LHFPL3: variants seen among roughly 807,000 people sequenced by gnomAD.
The protein encoded by LHFPL3 is LHFPL tetraspan subfamily member 3 protein.
In LHFPL3, 5 loss-of-function variants were observed where a neutral mutation model predicts 19.3. The observed-to-expected ratio is 0.26, with a 90% CI of 0.14 to 0.54. The LOEUF is 0.54. Ranked by LOEUF, LHFPL3 falls within the 20% of genes least tolerant of loss-of-function variation. LHFPL3 has a pLI of 0.94. For synonymous variants in LHFPL3, 133 were observed against 126.2 expected, an observed-to-expected ratio of 1.05 and a Z score of -0.36; for missense variants, 249 against 307.4, an observed-to-expected ratio of 0.81 and a Z score of 1.42.
At chr7:104,632,933 C>T (rs1378818609) in intron 1 of LHFPL3, among the ~76,000 whole-genome samples, 1 of 152,148 alleles carries the variant, frequency 6.6e-6, no homozygotes. Flanking sequence ...AGATTACAGG[C>T]ATGAGTCATG....
At chr7:104,600,929 T>A (rs752256581) in intron 1 of LHFPL3, among the ~76,000 whole-genome samples, 12 of 152,194 alleles carry the variant, frequency 7.9e-5, no homozygotes, top group Non-Finnish European at 1.5e-4. Flanking sequence ...ATGTAATGTC[T>A]CATCTAAGCT....
chr7:104,530,533 C>T (rs1203787636), intron 1 of LHFPL3, among the ~76,000 whole-genome samples: 1 of 152,178 alleles, frequency 6.6e-6, no homozygotes, highest in Non-Finnish European at 1.5e-5. Context: ...GTTGTAAACA[C>T]ATTTAGAATT....
chr7:104,460,304 T>C (rs1792633802), intron 1 of LHFPL3, among the ~76,000 whole-genome samples: 1 of 152,224 alleles, frequency 6.6e-6, no homozygotes, highest in Admixed American at 6.5e-5. Context: ...AGTACTACAG[T>C]GAACATTCAC....
intron 2 of LHFPL3, among the ~76,000 whole-genome samples, chr7:104,870,787 T>A (rs1791820037): frequency 6.6e-6 from 1 of 152,120 alleles, no homozygotes; most frequent in Non-Finnish European, 1.5e-5. Flanking sequence ...TGCTGGAATG[T>A]AGGACATGGG....
chr7:104,390,885 A>G (rs1463819548), intron 1 of LHFPL3, among the ~76,000 whole-genome samples: 7 of 152,116 alleles, frequency 4.6e-5, no homozygotes, highest in Admixed American at 6.6e-5. Flanking sequence ...TCTAACTGGT[A>G]TGAGATGGTA....
At chr7:104,433,006 G>A (rs556108497) in intron 1 of LHFPL3, among the ~76,000 whole-genome samples, 25 of 152,080 alleles carry the variant, frequency 1.6e-4, no homozygotes, top group Admixed American at 1.1e-3. Flanking sequence ...TTTTGGTCTC[G>A]GGTAAGCTTT....
chr7:104,520,347 G>T (rs12705227), intron 1 of LHFPL3, among the ~76,000 whole-genome samples: 22,582 of 137,168 alleles, frequency 0.16, 2,194 homozygotes, highest in African/African-American at 0.27. Context: ...GATTCCGTTT[G>T]CCAGTATTTT....
At chr7:104,889,634 T>C (rs1792209390) in intron 2 of LHFPL3, among the ~76,000 whole-genome samples, 1 of 152,150 alleles carries the variant, frequency 6.6e-6, no homozygotes, top group Non-Finnish European at 1.5e-5. Flanking sequence ...AGCAAGACTC[T>C]GTCTCAGAAA....
intron 1 of LHFPL3, among the ~76,000 whole-genome samples, chr7:104,335,413 A>G (rs1789780284): frequency 6.6e-6 from 1 of 152,238 alleles, no homozygotes; most frequent in South Asian, 2.1e-4. Context: ...CTTACAAGAA[A>G]GTGATCTGGA....
chr7:104,729,272 A>T (rs941053776), intron 1 of LHFPL3, among the ~76,000 whole-genome samples: 8 of 152,196 alleles, frequency 5.3e-5, no homozygotes, highest in African/African-American at 1.9e-4. Flanking sequence ...TATGGCAAAC[A>T]TATAATGGGA....
At chr7:104,838,297 G>C (rs1187962057) in intron 2 of LHFPL3, among the ~76,000 whole-genome samples, 1 of 152,156 alleles carries the variant, frequency 6.6e-6, no homozygotes, top group African/African-American at 2.4e-5. Context: ...AAGTTCTCAG[G>C]TGTTTCTGAT....
chr7:104,749,668 G>A (rs1379906838), intron 2 of LHFPL3, among the ~76,000 whole-genome samples: 3 of 152,282 alleles, frequency 2.0e-5, no homozygotes, highest in African/African-American at 7.2e-5. Flanking sequence ...TATGCCATTT[G>A]CCTGATTTCT....
At chr7:104,811,406 T>C (rs1332573689) in intron 2 of LHFPL3, among the ~76,000 whole-genome samples, 1 of 152,040 alleles carries the variant, frequency 6.6e-6, no homozygotes, top group African/African-American at 2.4e-5. Flanking sequence ...TCACCAAGTT[T>C]CCCAGGCTGA....
chr7:104,611,740 G>C (rs1019246269), intron 1 of LHFPL3, among the ~76,000 whole-genome samples: 7 of 152,086 alleles, frequency 4.6e-5, no homozygotes, highest in African/African-American at 1.4e-4. Context: ...CTAAAAAAGG[G>C]GGGGAGGAAT....
intron 1 of LHFPL3, among the ~76,000 whole-genome samples, chr7:104,473,018 A>G (rs1458201730): frequency 6.6e-6 from 1 of 152,208 alleles, no homozygotes; most frequent in Non-Finnish European, 1.5e-5. Flanking sequence ...AAGAAATTCA[A>G]AATTTCAAAT....
intron 2 of LHFPL3, among the ~76,000 whole-genome samples, chr7:104,773,531 T>C (rs1794594653): frequency 6.6e-6 from 1 of 152,210 alleles, no homozygotes; most frequent in Non-Finnish European, 1.5e-5. Flanking sequence ...CCTCGTGCTA[T>C]GGGTTGAATT....
rs1584539877 is a variant in LHFPL3 at position 104,798,695 on chromosome 7, C to T, written c.682+61784C>T. ...AAGAAAGATAGGTGCTAGAAAGTCT[C>T]ACGATTTTTTTTTTGAAAGCCTAGT... On this transcript the variant is annotated intron_variant, in intron 2 of 2. Coordinates refer to ENST00000424859, the MANE Select transcript of LHFPL3 (RefSeq NM_199000.3). Among the ~76,000 whole-genome samples, 3 of 141,156 alleles carry T rather than the reference C, an allele frequency of 2.1e-5. No individual in the cohort carries two copies. In the South Asian group the frequency reaches 7.6e-4, roughly 36 times the overall value. The allele number at this position is 141,156 out of a possible 152,430, so 92.6% of individuals were successfully genotyped here.
In LHFPL3 at chr7:104,435,044, C is replaced by T. The variant is rs559572142; in HGVS notation, c.445+105820C>T. ...TTTTGTTAAAGTTGTGACCCGCCCCCCTTATTGGGTGTCACAATGACATTA... is the reference window on the plus strand; with the variant it reads ...TTTTGTTAAAGTTGTGACCCGCCCCTCTTATTGGGTGTCACAATGACATTA... On this transcript the variant is annotated intron_variant, in intron 1 of 2. Coordinates refer to ENST00000424859, the MANE Select transcript of LHFPL3 (RefSeq NM_199000.3). Among the ~76,000 whole-genome samples the T allele has an allele frequency of 2.8e-4, 42 of 152,072 alleles. No homozygotes were observed. The South Asian group carries it at 7.9e-3, about 29-fold the overall frequency.
chr7:104,441,639 G>A (rs763742080), intron 1 of LHFPL3, among the ~76,000 whole-genome samples: 3 of 152,108 alleles, frequency 2.0e-5, no homozygotes, highest in Non-Finnish European at 4.4e-5. Flanking sequence ...CGCATGGCAC[G>A]ATCTTAGCTC....
Sources: gnomAD v4.1 joint callset for allele counts (sites outside exome capture counted in the v4.1 genomes callset) on GRCh38, gnomAD v4.1.1 for gene constraint, MANE v1.5 for transcripts, NCBI Gene and HGNC (gene_info 2026-07-23, HGNC 2026-07-21) for gene names.